Variants in LRMDA observed in about 807,000 individuals in gnomAD.
The protein encoded by LRMDA is leucine-rich melanocyte differentiation-associated protein.
LRMDA carries 18 observed loss-of-function variants against 29.8 expected under a neutral mutation model. That is an observed-to-expected ratio of 0.60 (90% CI 0.42 to 0.90). The LOEUF is 0.90. Among genes scored for constraint, LRMDA ranks in the 40% least tolerant of loss-of-function variants. The pLI is 0.00. For missense variants in LRMDA, 273 were observed against 273.9 expected (o/e 1.00, Z 0.02); for synonymous variants, 125 against 109.4 (o/e 1.14, Z -0.89).
At chr10:75,973,955 G>A (rs1344442271) in intron 2 of LRMDA, among the ~76,000 whole-genome samples, 1 of 152,122 alleles carries the variant, frequency 6.6e-6, no homozygotes, top group African/African-American at 2.4e-5. Flanking sequence ...GGTCTTTTGT[G>A]GAGCCAAACT....
chr10:75,588,418 T>C (rs1429427139), intron 2 of LRMDA, among the ~76,000 whole-genome samples: 1 of 152,186 alleles, frequency 6.6e-6, no homozygotes, highest in Non-Finnish European at 1.5e-5. Context: ...TTGTATATGT[T>C]AAGTTGTGTA....
chr10:75,832,469 C>A (rs1844362587), intron 2 of LRMDA, among the ~76,000 whole-genome samples: 1 of 152,298 alleles, frequency 6.6e-6, no homozygotes, highest in South Asian at 2.1e-4. Context: ...TTCAACAAGT[C>A]TCTAGGGATT....
intron 2 of LRMDA, among the ~76,000 whole-genome samples, chr10:75,929,689 CT>C (rs1171196666): frequency 6.6e-6 from 1 of 152,074 alleles, no homozygotes; most frequent in East Asian, 1.9e-4. Context: ...GTGGGTTAGT[CT>C]TTTAGAATTT....
At chr10:76,363,157 G>T (rs1453934172) in intron 6 of LRMDA, among the ~76,000 whole-genome samples, 1 of 38,914 alleles carries the variant, frequency 2.6e-5, no homozygotes, top group Non-Finnish European at 5.2e-5. Flanking sequence ...AAGAAAGAAA[G>T]AAAGAAAGAA....
rs1482732988 is a variant in LRMDA at position 76,486,232 on chromosome 10, A to G, written c.602-70977A>G. Among the ~76,000 whole-genome samples, 8 of 152,052 alleles carry G rather than the reference A, an allele frequency of 5.3e-5. No individual in the cohort carries two copies. The East Asian group carries it at 1.6e-3, about 30-fold the overall frequency. On this transcript the variant is annotated intron_variant, in intron 6 of 6. Transcript: ENST00000611255. Reference sequence around the variant, plus strand: ...GCCGGCAATCCACCCAGTGATATCCATACCGCAAGTTCTGTTTTGCCTTCT... The same window carrying G: ...GCCGGCAATCCACCCAGTGATATCCGTACCGCAAGTTCTGTTTTGCCTTCT...
chr10:76,424,419 G>A (rs2132524422), intron 6 of LRMDA, among the ~76,000 whole-genome samples: 1 of 152,218 alleles, frequency 6.6e-6, no homozygotes, highest in East Asian at 1.9e-4. Flanking sequence ...GGCACCTGTA[G>A]TCCCAGCTAC....
rs879502713 is a variant in LRMDA, at chr10:76,276,047, ATCTATC to A, written c.517-48350_517-48345del. 6.3e-3 allele frequency among the ~76,000 whole-genome samples: 918 copies of A among 145,002 alleles called. 9 individuals carry two copies. The highest frequency in any genetic ancestry group is 0.018 in the African/African-American group (674 of 37,612). ...TATCTATCTATCTATCTATCTATCT[ATCTATC>A]TCTTTCTTTCTCTCTTTCTTTCTCT... On this transcript the variant is annotated intron_variant, in intron 5 of 6. Coordinates refer to ENST00000611255, the MANE Select transcript of LRMDA (RefSeq NM_001305581.2).
At chr10:76,195,442 C>A (rs193089466) in intron 5 of LRMDA, among the ~76,000 whole-genome samples, 51 of 152,230 alleles carry the variant, frequency 3.4e-4, no homozygotes, top group Admixed American at 2.2e-3. Context: ...CCTTTGATTG[C>A]CCCATACATC....
chr10:76,373,399 AATATTT>A (rs1167006330), intron 6 of LRMDA, among the ~76,000 whole-genome samples: 1 of 152,132 alleles, frequency 6.6e-6, no homozygotes, highest in East Asian at 1.9e-4. Context: ...AGATTATAAT[AATATTT>A]ATATGTATCA....
intron 6 of LRMDA, among the ~76,000 whole-genome samples, chr10:76,445,471 GTTTA>G (rs1479832404): frequency 6.6e-6 from 1 of 152,176 alleles, no homozygotes; most frequent in Non-Finnish European, 1.5e-5. Flanking sequence ...CATCACGGAT[GTTTA>G]TTTGTCTGTT....
At chr10:75,529,294 G>A (rs1278450277) in intron 2 of LRMDA, among the ~76,000 whole-genome samples, 1 of 152,204 alleles carries the variant, frequency 6.6e-6, no homozygotes, top group Non-Finnish European at 1.5e-5. Context: ...TGGGAAGCTA[G>A]GATATACTGG....
chr10:76,312,896 T>C (rs1840646898), intron 5 of LRMDA, among the ~76,000 whole-genome samples: 1 of 151,970 alleles, frequency 6.6e-6, no homozygotes, highest in Non-Finnish European at 1.5e-5. Context: ...CAACATGAGC[T>C]TTACCTCTCA....
At chr10:76,210,321 C>T (rs796371414) in intron 5 of LRMDA, among the ~76,000 whole-genome samples, 8 of 152,058 alleles carry the variant, frequency 5.3e-5, no homozygotes, top group Non-Finnish European at 7.4e-5. Flanking sequence ...TGATTGCATT[C>T]GAATTAAAAG....
chr10:75,525,320 C>G (rs536990192), intron 2 of LRMDA, among the ~76,000 whole-genome samples: 2 of 152,300 alleles, frequency 1.3e-5, no homozygotes, highest in East Asian at 1.9e-4. Flanking sequence ...TTGTGAGTAC[C>G]TTTTGTGTGG....
At chr10:76,257,881 T>C (rs532843020) in intron 5 of LRMDA, among the ~76,000 whole-genome samples, 11 of 152,276 alleles carry the variant, frequency 7.2e-5, no homozygotes, top group African/African-American at 2.2e-4. Context: ...TGGGGCTCAG[T>C]TGAGATGGCT....
intron 2 of LRMDA, among the ~76,000 whole-genome samples, chr10:76,012,045 G>T (rs1847791971): frequency 6.6e-6 from 1 of 152,158 alleles, no homozygotes; most frequent in African/African-American, 2.4e-5. Context: ...CTAGGGTTAG[G>T]GGCAGGGTCT....
At chr10:75,456,595 G>T (rs1844520778) in intron 2 of LRMDA, among the ~76,000 whole-genome samples, 1 of 152,202 alleles carries the variant, frequency 6.6e-6, no homozygotes, top group Non-Finnish European at 1.5e-5. Flanking sequence ...CCAGGACAGG[G>T]TTACACACTA....
intron 2 of LRMDA, among the ~76,000 whole-genome samples, chr10:75,881,526 A>C (rs11001533): frequency 0.068 from 10,360 of 152,100 alleles, 721 homozygotes; most frequent in East Asian, 0.31. Flanking sequence ...CAGATGGAAA[A>C]TTGAAAGTAC....
At chr10:75,751,541 T>C (rs1842969681) in intron 2 of LRMDA, among the ~76,000 whole-genome samples, 1 of 152,174 alleles carries the variant, frequency 6.6e-6, no homozygotes, top group Non-Finnish European at 1.5e-5. Context: ...ATCCGTAAAA[T>C]GAGAATAATA....
Sources: allele counts gnomAD v4.1 joint callset (sites outside exome capture counted in the v4.1 genomes callset), GRCh38; gene constraint gnomAD v4.1.1; transcripts MANE v1.5; gene names NCBI Gene and HGNC (gene_info 2026-07-23, HGNC 2026-07-21).